Variants in KCNMA1 observed in about 807,000 individuals in gnomAD.
KCNMA1 encodes potassium calcium-activated channel subfamily M alpha 1.
KCNMA1 carries 29 observed loss-of-function variants against 140.0 expected under a neutral mutation model. The observed-to-expected ratio is 0.21, with a 90% CI of 0.15 to 0.28. KCNMA1 has a LOEUF of 0.28. Ranked by LOEUF, KCNMA1 falls within the 10% of genes least tolerant of loss-of-function variation. KCNMA1 has a pLI of 1.00. For missense variants in KCNMA1, 880 were observed against 1,602.2 expected, an observed-to-expected ratio of 0.55 and a Z score of 7.70; for synonymous variants, 612 against 611.9, an observed-to-expected ratio of 1.00 and a Z score of 0.00.
chr10:77,006,727 C>T (rs1302158378), intron 18 of KCNMA1, among the ~76,000 whole-genome samples: 1 of 152,216 alleles, frequency 6.6e-6, no homozygotes, highest in African/African-American at 2.4e-5. Context: ...GTATTTGGCA[C>T]TAGAGTTGTT....
chr10:77,578,154 C>T (rs2154562363), intron 1 of KCNMA1, among the ~76,000 whole-genome samples: 1 of 152,366 alleles, frequency 6.6e-6, no homozygotes, highest in East Asian at 1.9e-4. Context: ...GTGGGCCTTT[C>T]TCCTGAGTGG....
chr10:77,531,694 A>G (rs1330820292), intron 1 of KCNMA1, among the ~76,000 whole-genome samples: 2 of 152,256 alleles, frequency 1.3e-5, no homozygotes, highest in Non-Finnish European at 2.9e-5. Context: ...CCCTTCATGC[A>G]TAAACCCACC....
At chr10:77,545,927 C>T (rs2061371312) in intron 1 of KCNMA1, among the ~76,000 whole-genome samples, 2 of 152,168 alleles carry the variant, frequency 1.3e-5, no homozygotes. Flanking sequence ...GATGTCACCT[C>T]CCTGATGTCC....
At chr10:77,297,112 CT>C (rs1459756760) in intron 2 of KCNMA1, among the ~76,000 whole-genome samples, 2 of 152,178 alleles carry the variant, frequency 1.3e-5, no homozygotes, top group Admixed American at 6.5e-5. Flanking sequence ...GTCCTACCCC[CT>C]GTGAAGAAGG....
chr10:77,465,229 C>T (rs1435104250), intron 1 of KCNMA1, among the ~76,000 whole-genome samples: 2 of 152,196 alleles, frequency 1.3e-5, no homozygotes, highest in South Asian at 2.1e-4. Context: ...GCGTTGCCTT[C>T]CCTGGGCTTT....
At chr10:76,924,353 GTATT>G (rs1448023006) in intron 23 of KCNMA1, among the ~76,000 whole-genome samples, 1 of 152,104 alleles carries the variant, frequency 6.6e-6, no homozygotes, top group Non-Finnish European at 1.5e-5. Context: ...GAGGGTAAAA[GTATT>G]TATATCTATG....
At chr10:77,564,643 C>T (rs911392963) in intron 1 of KCNMA1, among the ~76,000 whole-genome samples, 1 of 152,150 alleles carries the variant, frequency 6.6e-6, no homozygotes, top group Admixed American at 6.5e-5. Context: ...TTCCCAAGAC[C>T]AAGCGCTCTT....
intron 2 of KCNMA1, among the ~76,000 whole-genome samples, chr10:77,361,330 TC>T (rs1418868086): frequency 1.3e-5 from 2 of 152,260 alleles, no homozygotes; most frequent in Admixed American, 1.3e-4. Context: ...AGCCTTTTGC[TC>T]CAGCAACAGA....
intron 24 of KCNMA1, chr10:76,914,044 C>A (rs2051573245): frequency 6.5e-7 from 1 of 1,539,116 alleles, no homozygotes; most frequent in Non-Finnish European, 8.8e-7. Context: ...TGAAGGAAAA[C>A]AGTGCTTCTT....
At chr10:76,968,713 A>T (rs2074928338) in intron 20 of KCNMA1, among the ~76,000 whole-genome samples, 1 of 152,200 alleles carries the variant, frequency 6.6e-6, no homozygotes. Context: ...AGCCAAACCC[A>T]AGGAAGGCTG....
intron 21 of KCNMA1, among the ~76,000 whole-genome samples, chr10:76,949,933 C>T (rs1245422979): frequency 2.0e-5 from 3 of 151,944 alleles, no homozygotes; most frequent in Admixed American, 2.0e-4. Flanking sequence ...ACCCACAGGC[C>T]AAATCTGGCC....
chr10:77,003,357 G>T (rs939458931), intron 18 of KCNMA1, among the ~76,000 whole-genome samples: 2 of 152,118 alleles, frequency 1.3e-5, no homozygotes, highest in Non-Finnish European at 2.9e-5. Flanking sequence ...TTGAATCAGA[G>T]GAATTTAGAA....
At chr10:77,362,070 G>T (rs548010078) in intron 2 of KCNMA1, among the ~76,000 whole-genome samples, 1 of 152,288 alleles carries the variant, frequency 6.6e-6, no homozygotes, top group Admixed American at 6.5e-5. Flanking sequence ...TAGAGCCTCA[G>T]CTGCCTCTCC....
At chr10:77,105,370 G>C (rs565187040) in intron 9 of KCNMA1, among the ~76,000 whole-genome samples, 2 of 152,250 alleles carry the variant, frequency 1.3e-5, no homozygotes, top group East Asian at 3.9e-4. Context: ...CTGAATTTGG[G>C]TGTTGTACAA....
intron 9 of KCNMA1, among the ~76,000 whole-genome samples, chr10:77,102,388 T>C (rs2097120799): frequency 6.6e-6 from 1 of 152,180 alleles, no homozygotes; most frequent in Non-Finnish European, 1.5e-5. Context: ...GTGTGCGCTC[T>C]CAGGAAGGAA....
intron 18 of KCNMA1, among the ~76,000 whole-genome samples, chr10:77,004,746 T>G (rs191761512): frequency 4.6e-5 from 7 of 152,282 alleles, no homozygotes; most frequent in Non-Finnish European, 8.8e-5. Flanking sequence ...CTCTCTCAAC[T>G]CTCTCTGGCT....
intron 2 of KCNMA1, among the ~76,000 whole-genome samples, chr10:77,381,062 C>A (rs1396154971): frequency 2.6e-5 from 4 of 152,094 alleles, no homozygotes; most frequent in South Asian, 2.1e-4. Context: ...ATTAGATGAC[C>A]AAAGGAGAAC....
chr10:77,077,832 A>G (rs2096445089), intron 13 of KCNMA1: 1 of 152,226 alleles, frequency 6.6e-6, no homozygotes, highest in African/African-American at 2.4e-5. Flanking sequence ...TACATTACCA[A>G]TATCCTCACT....
intron 2 of KCNMA1, among the ~76,000 whole-genome samples, chr10:77,366,078 T>A (rs377556657): frequency 6.6e-6 from 1 of 152,322 alleles, no homozygotes; most frequent in Admixed American, 6.5e-5. Context: ...AGGAAGCACT[T>A]TGCAAATTCT....
Sources: gnomAD v4.1 joint callset for allele counts (sites outside exome capture counted in the v4.1 genomes callset) on GRCh38, gnomAD v4.1.1 for gene constraint, MANE v1.5 for transcripts, NCBI Gene and HGNC (gene_info 2026-07-23, HGNC 2026-07-21) for gene names.